The following FAM78B variants were observed in gnomAD, a reference collection of about 807,000 sequenced individuals.
FAM78B encodes the protein protein FAM78B.
A neutral mutation model predicts 20.0 loss-of-function variants in FAM78B; 10 were observed. That is an observed-to-expected ratio of 0.50 (90% CI 0.31 to 0.85). The LOEUF is 0.85. Ranked by LOEUF, FAM78B falls within the 40% of genes least tolerant of loss-of-function variation. The pLI, the probability that FAM78B is intolerant of heterozygous loss-of-function variation, is 0.05. For missense variants in FAM78B, 283 were observed against 345.0 expected (o/e 0.82, Z 1.42); for synonymous variants, 135 against 132.8 (o/e 1.02, Z -0.12).
intron 1 of FAM78B, among the ~76,000 whole-genome samples, chr1:166,133,460 A>C (rs1277059986): frequency 6.6e-6 from 1 of 152,204 alleles, no homozygotes; most frequent in Non-Finnish European, 1.5e-5. Flanking sequence ...GGTGACAGCG[A>C]TATGAAACAA....
chr1:166,164,720 T>G (rs1224165135), intron 1 of FAM78B: 3 of 152,248 alleles, frequency 2.0e-5, no homozygotes, highest in Non-Finnish European at 4.4e-5. Flanking sequence ...TGCAAACTGC[T>G]GCTAAAAAGA....
chr1:166,073,704 A>G lies in FAM78B; in HGVS notation c.264-2941T>C, dbSNP rs552771375. Among the ~76,000 whole-genome samples, 9 of 152,296 alleles carry G rather than the reference A, an allele frequency of 5.9e-5. No homozygotes were observed. The South Asian group carries it at 1.9e-3, about 32-fold the overall frequency. ...TGACCATTTAAGGGGATTACTTTGA[A>G]TGGAATGCCAGAGGCATTTCAAACT... On this transcript the variant is annotated intron_variant, in intron 1 of 1. Coordinates refer to ENST00000354422, the MANE Select transcript of FAM78B (RefSeq NM_001017961.5).
intron 1 of FAM78B, among the ~76,000 whole-genome samples, chr1:166,086,860 T>C (rs1468968924): frequency 6.6e-6 from 1 of 152,008 alleles, no homozygotes; most frequent in Non-Finnish European, 1.5e-5. Flanking sequence ...GGAATTCACA[T>C]GGGTATTATC....
At chr1:166,145,683 C>G (rs1655427949) in intron 1 of FAM78B, among the ~76,000 whole-genome samples, 1 of 152,218 alleles carries the variant, frequency 6.6e-6, no homozygotes, top group Non-Finnish European at 1.5e-5. Context: ...AAGACAATCT[C>G]AAGTCAGACA....
At chr1:166,072,971 G>A (rs891147232) in intron 1 of FAM78B, among the ~76,000 whole-genome samples, 4 of 152,120 alleles carry the variant, frequency 2.6e-5, no homozygotes, top group Admixed American at 1.3e-4. Flanking sequence ...AGAGACTTGG[G>A]CCCAGGGTCT....
intron 1 of FAM78B, among the ~76,000 whole-genome samples, chr1:166,079,471 C>T (rs1652478815): frequency 6.6e-6 from 1 of 152,168 alleles, no homozygotes; most frequent in Non-Finnish European, 1.5e-5. Context: ...CTTTTGGGCC[C>T]ACGGGGTGGC....
chr1:166,096,753 C>A (rs945144844), intron 1 of FAM78B, among the ~76,000 whole-genome samples: 5 of 152,158 alleles, frequency 3.3e-5, no homozygotes, highest in African/African-American at 1.2e-4. Context: ...TGCATCCCAC[C>A]CTAGGCTGAC....
intron 1 of FAM78B, among the ~76,000 whole-genome samples, chr1:166,160,798 C>A (rs1464597431): frequency 6.6e-6 from 1 of 152,190 alleles, no homozygotes; most frequent in Non-Finnish European, 1.5e-5. Context: ...ATGACATCTG[C>A]TTTCATGAAA....
intron 1 of FAM78B, among the ~76,000 whole-genome samples, chr1:166,077,005 C>CA (rs1278581043): frequency 1.3e-5 from 2 of 151,700 alleles, no homozygotes. Flanking sequence ...GAATAGCCAG[C>CA]AAAAAAGGAG....
chr1:166,056,143 C>A (rs532005901), downstream of FAM78B, among the ~76,000 whole-genome samples: 10 of 152,228 alleles, frequency 6.6e-5, no homozygotes, highest in Admixed American at 3.3e-4. Context: ...TAAAAATACT[C>A]CCTCACCCCA....
rs146248661 is a variant in FAM78B at position 166,070,365 on chromosome 1, C to A, written c.662G>T (p.Arg221Leu). 3 of 1,613,566 alleles carry A rather than the reference C, an allele frequency of 1.9e-6. No homozygotes were observed. The East Asian group carries it at 6.7e-5, about 36-fold the overall frequency. The change falls in exon 2 of 2, where the codon CGG (arginine) becomes CTG (leucine). Residue 221 changes from arginine to leucine, a missense_variant. Arg to Leu is a moderately radical substitution (Grantham distance 102). Coordinates refer to ENST00000354422, the MANE Select transcript of FAM78B (RefSeq NM_001017961.5). ...GATGGGTTCCATCCGGCTCAGGATC[C>A]GGGGCTGCTCCTGCTGAGTCCTGCC... is the stretch of plus-strand genomic sequence containing the variant. ...LVGRTQQEQPRILSRMEPIPP... is the reference protein window; with the variant it reads ...LVGRTQQEQPLILSRMEPIPP...
chr1:166,088,954 C>G (rs530409011), intron 1 of FAM78B, among the ~76,000 whole-genome samples: 1 of 152,230 alleles, frequency 6.6e-6, no homozygotes, highest in African/African-American at 2.4e-5. Context: ...ACCACACTCC[C>G]CCATGCTCTC....
intron 1 of FAM78B, among the ~76,000 whole-genome samples, chr1:166,123,869 G>A (rs995132682): frequency 1.3e-5 from 2 of 152,240 alleles, no homozygotes; most frequent in South Asian, 2.1e-4. Flanking sequence ...CATTATGATC[G>A]GCCAGCTTGG....
chr1:166,098,010 T>C (rs1430428753), intron 1 of FAM78B, among the ~76,000 whole-genome samples: 1 of 152,110 alleles, frequency 6.6e-6, no homozygotes, highest in East Asian at 1.9e-4. Context: ...ACAGAACAGG[T>C]ACTGGTATCC....
chr1:166,121,857 T>G (rs534560108), intron 1 of FAM78B, among the ~76,000 whole-genome samples: 1 of 152,236 alleles, frequency 6.6e-6, no homozygotes, highest in South Asian at 2.1e-4. Flanking sequence ...TCCTACTGAC[T>G]ACATCATATC....
intron 1 of FAM78B, among the ~76,000 whole-genome samples, chr1:166,152,667 T>G (rs1320690388): frequency 3.0e-4 from 43 of 145,540 alleles, no homozygotes; most frequent in African/African-American, 1.0e-3. Context: ...TTTATTTATT[T>G]ATTTATTTAT....
intron 1 of FAM78B, among the ~76,000 whole-genome samples, chr1:166,085,296 T>C (rs1325287016): frequency 6.6e-6 from 1 of 152,144 alleles, no homozygotes; most frequent in African/African-American, 2.4e-5. Flanking sequence ...ACACTGAGCA[T>C]AGTTGGCTGG....
At chr1:166,106,548 C>A (rs1215309204) in intron 1 of FAM78B, among the ~76,000 whole-genome samples, 1 of 152,026 alleles carries the variant, frequency 6.6e-6, no homozygotes, top group East Asian at 1.9e-4. Context: ...AGCTGGAGGT[C>A]ATTGTCATAT....
At chr1:166,154,036 G>C (rs377699519) in intron 1 of FAM78B, among the ~76,000 whole-genome samples, 26 of 152,284 alleles carry the variant, frequency 1.7e-4, no homozygotes, top group African/African-American at 6.0e-4. Context: ...AGCCACAACA[G>C]AGACAGGGTC....
Sources: allele counts gnomAD v4.1 joint callset (sites outside exome capture counted in the v4.1 genomes callset), GRCh38; gene constraint gnomAD v4.1.1; transcripts MANE v1.5; gene names NCBI Gene and HGNC (gene_info 2026-07-23, HGNC 2026-07-21).